SCLT1: variants seen among roughly 807,000 people sequenced by gnomAD.
SCLT1 encodes sodium channel-associated protein 1.
In SCLT1, 78 loss-of-function variants were observed where a neutral mutation model predicts 112.8. That is an observed-to-expected ratio of 0.69 (90% confidence interval 0.58 to 0.83). The LOEUF (loss-of-function observed/expected upper bound fraction) is 0.83, where lower values mean the gene tolerates loss of function less well. SCLT1 is among the 40% of genes least tolerant of loss of function. SCLT1 has a pLI of 0.00. For missense variants in SCLT1, 747 were observed against 770.4 expected, an observed-to-expected ratio of 0.97 and a Z score of 0.36; for synonymous variants, 257 against 254.7, an observed-to-expected ratio of 1.01 and a Z score of -0.09.
At chr4:128,945,594 T>C (rs1353950833) in intron 16 of SCLT1, among the ~76,000 whole-genome samples, 1 of 152,084 alleles carries the variant, frequency 6.6e-6, no homozygotes, top group Non-Finnish European at 1.5e-5. Flanking sequence ...AATAAAATGG[T>C]ATGTCAAATT....
intron 2 of SCLT1, among the ~76,000 whole-genome samples, chr4:129,061,581 G>A (rs141565157): frequency 6.6e-6 from 1 of 152,222 alleles, no homozygotes; most frequent in African/African-American, 2.4e-5. Flanking sequence ...AGGCATTGAG[G>A]AGATGTGATT....
chr4:129,081,691 G>A (rs1348748040), intron 2 of SCLT1, among the ~76,000 whole-genome samples: 1 of 152,132 alleles, frequency 6.6e-6, no homozygotes, highest in Non-Finnish European at 1.5e-5. Flanking sequence ...CTCCAACACT[G>A]GAGATTACAA....
chr4:128,896,954 T>C (rs170326), intron 18 of SCLT1, among the ~76,000 whole-genome samples: 110,323 of 151,736 alleles, frequency 0.73, 40,379 homozygotes, highest in African/African-American at 0.82. Context: ...TGAAATGAAG[T>C]GAGAAGAGAA....
chr4:129,093,366 G>C lies in SCLT1; in HGVS notation c.-263C>G, dbSNP rs571780137. 1.6e-3 allele frequency: 907 copies of C among 552,466 alleles called. 1 individual carries two copies. Among genetic ancestry groups the C allele is most frequent in the Non-Finnish European group, 2.5e-3 (759 of 308,054 alleles). The allele number at this position is 552,466 out of a possible 1,614,324, so 34.2% of individuals were successfully genotyped here. On this transcript the variant is annotated 5_prime_UTR_variant, in exon 1 of 21. Transcript: ENST00000281142. ...CAACCGAATCCCACGCTGGTGGGAA[G>C]AGGACGCGGTCGATACAGGCGTCCC... is the stretch of plus-strand genomic sequence containing the variant.
At chr4:128,878,815 T>C (rs971882758) in intron 3 of SCLT1, among the ~76,000 whole-genome samples, 1 of 152,136 alleles carries the variant, frequency 6.6e-6, no homozygotes, top group Non-Finnish European at 1.5e-5. Context: ...TTACTTACAT[T>C]TAGCTTGTGG....
At chr4:128,879,927 G>A (rs1732605407), downstream of SCLT1, among the ~76,000 whole-genome samples, 1 of 152,114 alleles carries the variant, frequency 6.6e-6, no homozygotes, top group Non-Finnish European at 1.5e-5. Flanking sequence ...AAAGGACTGT[G>A]CTGCCATAGA....
intron 18 of SCLT1, among the ~76,000 whole-genome samples, chr4:128,892,926 T>C (rs1172499814): frequency 6.6e-6 from 1 of 152,146 alleles, no homozygotes; most frequent in Non-Finnish European, 1.5e-5. Flanking sequence ...ATGTATCTTG[T>C]GCAGCTTAAA....
intron 5 of SCLT1, among the ~76,000 whole-genome samples, chr4:129,014,941 G>GCCAC (rs1415147663): frequency 6.6e-6 from 1 of 152,058 alleles, no homozygotes; most frequent in Non-Finnish European, 1.5e-5. Flanking sequence ...TGGTCGTGCA[G>GCCAC]GTGGTGGTGC....
chr4:128,915,453 T>G (rs1735403265), intron 18 of SCLT1, among the ~76,000 whole-genome samples: 1 of 152,206 alleles, frequency 6.6e-6, no homozygotes, highest in Admixed American at 6.5e-5. Context: ...TCCTTTATTA[T>G]CAACAGTCTT....
chr4:129,065,451 C>T (rs1317918167), intron 2 of SCLT1, among the ~76,000 whole-genome samples: 1 of 151,952 alleles, frequency 6.6e-6, no homozygotes, highest in Non-Finnish European at 1.5e-5. Context: ...GTTGGCAAAG[C>T]TTTTTTGTAA....
Position 129,039,053 on chromosome 4 carries a change from T to C in SCLT1, c.278A>G (p.Lys93Arg). ...TTAATTGATTTACCTTTCATTTTCC[T>C]TGATGACATTTTCAAGTTGTAATTT... is the stretch of plus-strand genomic sequence containing the variant. ...EMKLQLENVI[K>R]ENERLHSELK... is the part of the protein sequence containing the mutation. The change falls in exon 5 of 21, where the codon AAG becomes AGG. Residue 93 changes from lysine to arginine, a missense_variant. Lys to Arg is a conservative substitution (Grantham distance 26). This residue lies in a region of SCLT1 where 723 missense variants were observed against 721.3 expected (regional missense o/e 1.00). Transcript: ENST00000281142. 1 of 1,571,844 alleles carries C rather than the reference T, an allele frequency of 6.4e-7. No individual in the cohort carries two copies. The highest frequency in any genetic ancestry group is 8.8e-7 in the Non-Finnish European group (1 of 1,142,240).
chr4:128,957,015 A>C lies in SCLT1; in HGVS notation c.1146+11T>G, dbSNP rs186157235. The C allele has an allele frequency of 7.0e-7, 1 of 1,436,504 alleles. No homozygotes were observed. The highest frequency in any genetic ancestry group is 1.4e-5 in the African/African-American group (1 of 69,532). 89.0% of individuals were successfully genotyped at this position (1,436,504 alleles called of 1,614,324 possible). A position where few individuals can be genotyped will look rare whatever the true frequency, so the allele number is the denominator to read the frequency against. On this transcript the variant is annotated intron_variant, in intron 13 of 20. Transcript: ENST00000281142. ...AAATTCTGAATTTTAAATATAATTA[A>C]AAATCCTTACTTCTTTCTTGGTTCT... is the stretch of plus-strand genomic sequence containing the variant.
At chr4:128,950,134 T>C (rs1420478594) in intron 14 of SCLT1, among the ~76,000 whole-genome samples, 1 of 152,172 alleles carries the variant, frequency 6.6e-6, no homozygotes, top group Admixed American at 6.5e-5. Context: ...CATATTCATA[T>C]AGTAAGTTGC....
chr4:128,925,340 C>T (rs539674737), intron 18 of SCLT1, among the ~76,000 whole-genome samples: 3 of 151,840 alleles, frequency 2.0e-5, no homozygotes, highest in South Asian at 2.1e-4. Context: ...AAAATTTGGC[C>T]GTTAGTTCTT....
intron 2 of SCLT1, among the ~76,000 whole-genome samples, chr4:129,047,038 G>A (rs151148236): frequency 1.6e-4 from 24 of 152,028 alleles, no homozygotes; most frequent in African/African-American, 5.3e-4. Flanking sequence ...CTAGATTTTT[G>A]CAAGATTACA....
At chr4:128,927,808 A>G (rs936962696) in intron 18 of SCLT1, among the ~76,000 whole-genome samples, 2 of 151,982 alleles carry the variant, frequency 1.3e-5, no homozygotes, top group Non-Finnish European at 2.9e-5. Flanking sequence ...AACACAAAAT[A>G]GAAAAGATTA....
At chr4:128,923,797 GTTT>G (rs1271018171) in intron 18 of SCLT1, among the ~76,000 whole-genome samples, 1 of 151,790 alleles carries the variant, frequency 6.6e-6, no homozygotes, top group Non-Finnish European at 1.5e-5. Flanking sequence ...TTGTGTACAG[GTTT>G]TTTGTGTCGA....
chr4:128,961,210 T>C (rs1297629427), intron 11 of SCLT1, among the ~76,000 whole-genome samples: 3 of 152,088 alleles, frequency 2.0e-5, no homozygotes, highest in Non-Finnish European at 2.9e-5. Context: ...CTTTAATTTT[T>C]ACCCCTAAAT....
intron 5 of SCLT1, among the ~76,000 whole-genome samples, chr4:129,017,203 A>G (rs907068392): frequency 3.5e-5 from 5 of 142,576 alleles, no homozygotes; most frequent in African/African-American, 1.3e-4. Context: ...GTGGGGGGGG[A>G]ATTTGTATGT....
Sources: allele counts gnomAD v4.1 joint callset (sites outside exome capture counted in the v4.1 genomes callset), GRCh38; gene constraint gnomAD v4.1.1; regional missense constraint gnomAD v4.1.1; transcripts MANE v1.5; gene names NCBI Gene and HGNC (gene_info 2026-07-23, HGNC 2026-07-21).